ACTN1: variants seen among roughly 807,000 people sequenced by gnomAD.
The protein encoded by ACTN1 is alpha-actinin-1.
In ACTN1, 30 loss-of-function variants were observed where a neutral mutation model predicts 119.6. The observed-to-expected ratio is 0.25, with a 90% CI of 0.19 to 0.34. The LOEUF (loss-of-function observed/expected upper bound fraction) is 0.34. Ranked by LOEUF, ACTN1 falls within the 10% of genes least tolerant of loss-of-function variation. The pLI is 1.00. For synonymous variants in ACTN1, 429 were observed against 472.6 expected (o/e 0.91, Z 1.20); for missense variants, 764 against 1,223.4 (o/e 0.62, Z 5.60).
chr14:68,891,564 G>A (rs2032491527), intron 10 of ACTN1, among the ~76,000 whole-genome samples: 1 of 151,972 alleles, frequency 6.6e-6, no homozygotes, highest in Non-Finnish European at 1.5e-5. Context: ...TTGATACTGG[G>A]TAGTAAGATT....
chr14:68,975,146 C>T (rs943687898), intron 1 of ACTN1, among the ~76,000 whole-genome samples: 3 of 152,228 alleles, frequency 2.0e-5, no homozygotes, highest in Non-Finnish European at 2.9e-5. Context: ...AACAATGTGT[C>T]CCCTCTTCCT....
chr14:68,934,212 A>T (rs2140446808), intron 1 of ACTN1, among the ~76,000 whole-genome samples: 1 of 152,372 alleles, frequency 6.6e-6, no homozygotes, highest in South Asian at 2.1e-4. Context: ...AGCACGCAGC[A>T]GACAGCTGTG....
chr14:68,883,713 G>A (rs2031760851), intron 14 of ACTN1, among the ~76,000 whole-genome samples: 1 of 152,226 alleles, frequency 6.6e-6, no homozygotes, highest in East Asian at 1.9e-4. Flanking sequence ...AGGAGTTGGA[G>A]GCTGTAGTGA....
chr14:68,964,904 T>G (rs931315983), intron 1 of ACTN1, among the ~76,000 whole-genome samples: 1 of 152,126 alleles, frequency 6.6e-6, no homozygotes, highest in African/African-American at 2.4e-5. Context: ...CATCAGAGTG[T>G]AAGGGCCCGC....
chr14:68,963,056 G>A (rs763027860), intron 1 of ACTN1, among the ~76,000 whole-genome samples: 22 of 151,946 alleles, frequency 1.4e-4, no homozygotes, highest in Admixed American at 3.3e-4. Context: ...TCCCTCCCCA[G>A]AACTTTGCAC....
chr14:68,920,950 G>C (rs1302944901), intron 3 of ACTN1, 56 bp downstream of exon 3: 3 of 1,602,136 alleles, frequency 1.9e-6, no homozygotes, highest in Non-Finnish European at 2.6e-6. Flanking sequence ...AAGGCCAAGA[G>C]AACCAGGGGG....
chr14:68,947,720 G>A (rs2035988386), intron 1 of ACTN1, among the ~76,000 whole-genome samples: 3 of 152,204 alleles, frequency 2.0e-5, no homozygotes, highest in Admixed American at 1.3e-4. Flanking sequence ...TGCATGGAAA[G>A]AGAAGCTCTT....
intron 6 of ACTN1, among the ~76,000 whole-genome samples, chr14:68,908,279 C>T (rs989245228): frequency 2.6e-5 from 4 of 152,126 alleles, no homozygotes; most frequent in Non-Finnish European, 2.9e-5. Context: ...GCTATCCACC[C>T]GCCCGAAACA....
intron 8 of ACTN1, among the ~76,000 whole-genome samples, chr14:68,894,943 C>T (rs977756386): frequency 1.2e-4 from 18 of 151,408 alleles, no homozygotes; most frequent in Middle Eastern, 3.4e-3. Flanking sequence ...AGATGGAAGA[C>T]GGAAATGTTT....
At chr14:68,922,654 G>A (rs1566640778) in intron 2 of ACTN1, among the ~76,000 whole-genome samples, 2 of 152,140 alleles carry the variant, frequency 1.3e-5, no homozygotes, top group African/African-American at 4.8e-5. Flanking sequence ...GAGGAGGCAA[G>A]GGTTAAACAC....
intron 1 of ACTN1, chr14:68,977,805 C>CG (rs1555361569): frequency 5.4e-6 from 2 of 367,478 alleles, no homozygotes; most frequent in African/African-American, 2.1e-5. Context: ...TCCTGTCCCC[C>CG]CCCCACCCAA....
chr14:68,876,987 G>C, intron 21 of ACTN1, 95 bp downstream of exon 21: 1 of 1,441,422 alleles, frequency 6.9e-7, no homozygotes, highest in Non-Finnish European at 9.4e-7. Flanking sequence ...AAGAAGGGGC[G>C]GTTGAGGAGT....
At chr14:68,900,133 G>A (rs1046017924) in intron 8 of ACTN1, among the ~76,000 whole-genome samples, 1 of 152,128 alleles carries the variant, frequency 6.6e-6, no homozygotes, top group African/African-American at 2.4e-5. Context: ...GGAGGGTCTT[G>A]GGTGCCCAAC....
At position 68,979,216 on chromosome 14, in the gene ACTN1, A is replaced by AGGCTGCTACTGGCGGC. The variant is rs1213345827; in HGVS notation, c.-176_-161dup. Reference sequence around the variant, plus strand: ...GGTTCCGCCGCGGCGCTGCTGGCGAAGGCTGCTACTGGCGGCGACAGCGGC... The same window carrying AGGCTGCTACTGGCGGC: ...GGTTCCGCCGCGGCGCTGCTGGCGAAGGCTGCTACTGGCGGCGGCTGCTACTGGCGGCGACAGCGGC... On this transcript the variant is annotated 5_prime_UTR_variant, in exon 1 of 22. Coordinates refer to ENST00000394419, the MANE Select transcript of ACTN1 (RefSeq NM_001130004.2). The AGGCTGCTACTGGCGGC allele has an allele frequency of 5.4e-4, 256 of 478,144 alleles. No homozygotes were observed. Among genetic ancestry groups the AGGCTGCTACTGGCGGC allele is most frequent in the African/African-American group, 5.1e-3 (244 of 48,164 alleles). 29.6% of individuals were successfully genotyped at this position (478,144 alleles called of 1,614,324 possible).
chr14:68,892,791 G>A (rs1468308869), intron 9 of ACTN1, among the ~76,000 whole-genome samples: 4 of 152,104 alleles, frequency 2.6e-5, no homozygotes. Flanking sequence ...AGCAGGCACG[G>A]CCTGGACTGT....
At chr14:68,952,912 AAGG>A (rs2036216364) in intron 1 of ACTN1, among the ~76,000 whole-genome samples, 2 of 152,120 alleles carry the variant, frequency 1.3e-5, no homozygotes, top group Non-Finnish European at 2.9e-5. Context: ...GCAGATTTGA[AAGG>A]AGAAGGAATG....
At chr14:68,914,942 G>A (rs960934635) in intron 3 of ACTN1, among the ~76,000 whole-genome samples, 8 of 152,158 alleles carry the variant, frequency 5.3e-5, no homozygotes, top group East Asian at 1.9e-4. Flanking sequence ...CAAGGAGCAC[G>A]CATTTTACAG....
intron 2 of ACTN1, among the ~76,000 whole-genome samples, chr14:68,921,702 C>G (rs1176638089): frequency 6.6e-6 from 1 of 152,136 alleles, no homozygotes; most frequent in Non-Finnish European, 1.5e-5. Flanking sequence ...TCTAGCCTTC[C>G]CTTTGCCCTG....
intron 3 of ACTN1, among the ~76,000 whole-genome samples, chr14:68,915,369 C>T (rs975314894): frequency 5.3e-5 from 8 of 152,156 alleles, no homozygotes; most frequent in African/African-American, 1.7e-4. Flanking sequence ...GCCAGTTTCA[C>T]TCACACGTCC....
Sources: allele counts gnomAD v4.1 joint callset (sites outside exome capture counted in the v4.1 genomes callset), GRCh38; gene constraint gnomAD v4.1.1; transcripts MANE v1.5; gene names NCBI Gene and HGNC (gene_info 2026-07-23, HGNC 2026-07-21).